Variants in PLEKHH2 observed in about 807,000 individuals in gnomAD.
PLEKHH2 encodes pleckstrin homology, MyTH4 and FERM domain containing H2, also known as pleckstrin homology domain-containing family H member 2.
In PLEKHH2, 129 loss-of-function variants were observed where a neutral mutation model predicts 187.9. The ratio of observed to expected loss-of-function variants is 0.69; its 90% CI spans 0.59 to 0.79. The LOEUF is 0.79. PLEKHH2 is among the 30% of genes least tolerant of loss of function. The pLI is 0.00. For missense variants in PLEKHH2, 2,076 were observed against 1,751.2 expected (o/e 1.19, Z -3.31); for synonymous variants, 686 against 605.6 (o/e 1.13, Z -1.95).
chr2:43,658,076 G>A (rs1374230519), intron 2 of PLEKHH2, among the ~76,000 whole-genome samples: 3 of 152,040 alleles, frequency 2.0e-5, no homozygotes, highest in African/African-American at 7.3e-5. Context: ...ATCTTCCTTT[G>A]TATTATTATC....
chr2:43,678,828 A>T (rs756354241), intron 2 of PLEKHH2, 35 bp from the exon 3 acceptor site: 1 of 1,503,434 alleles, frequency 6.7e-7, no homozygotes, highest in African/African-American at 1.4e-5. Context: ...TTTCAAAAAT[A>T]AATTTTTGTA....
intron 15 of PLEKHH2, among the ~76,000 whole-genome samples, chr2:43,719,504 A>C (rs1349362999): frequency 6.6e-6 from 1 of 152,066 alleles, no homozygotes; most frequent in East Asian, 1.9e-4. Flanking sequence ...CAGTGGTGTG[A>C]TCTCTGCTCA....
rs112641662 is a variant in PLEKHH2 at position 43,706,522 on chromosome 2, C to T, written c.1821+106C>T. 7.0e-4 allele frequency: 567 copies of T among 807,716 alleles called. 5 individuals are homozygous for T. The African/African-American group carries it at 8.8e-3, about 13-fold the overall frequency. The allele number at this position is 807,716 out of a possible 1,614,324, so 50.0% of individuals were successfully genotyped here. A position where few individuals can be genotyped will look rare whatever the true frequency, so the allele number is the denominator to read the frequency against. The stretch of plus-strand genomic sequence containing the variant: ...CCATTCTTAACATTTTACACAGGCT[C>T]TCCCTTTATAGAAAGTTTTACAAGT... On this transcript the variant is annotated intron_variant, in intron 10 of 29. Transcript: ENST00000282406.
intron 27 of PLEKHH2, among the ~76,000 whole-genome samples, chr2:43,762,074 T>C (rs1672450448): frequency 6.6e-6 from 1 of 152,206 alleles, no homozygotes; most frequent in Non-Finnish European, 1.5e-5. Context: ...TTTATCCAAA[T>C]GCATACATTA....
At chr2:43,724,957 AGAGT>A (rs1308028848) in intron 16 of PLEKHH2, among the ~76,000 whole-genome samples, 1 of 152,224 alleles carries the variant, frequency 6.6e-6, no homozygotes, top group Non-Finnish European at 1.5e-5. Context: ...ACACACAGAC[AGAGT>A]GAGTTTAGAG....
intron 19 of PLEKHH2, among the ~76,000 whole-genome samples, chr2:43,736,505 C>T (rs541054422): frequency 6.6e-6 from 1 of 152,226 alleles, no homozygotes; most frequent in African/African-American, 2.4e-5. Context: ...GTCACGGAGA[C>T]AGAGTTCAGA....
chr2:43,763,152 T>C (rs929218757), intron 28 of PLEKHH2, among the ~76,000 whole-genome samples: 1 of 152,148 alleles, frequency 6.6e-6, no homozygotes, highest in African/African-American at 2.4e-5. Context: ...AGTTTTTAAA[T>C]GGATAACTTG....
chr2:43,652,483 C>T (rs1352730771), intron 2 of PLEKHH2, among the ~76,000 whole-genome samples: 2 of 152,128 alleles, frequency 1.3e-5, no homozygotes, highest in African/African-American at 4.8e-5. Flanking sequence ...GCCCTTCACC[C>T]CCAACCTCCT....
chr2:43,687,509 C>G (rs914813554), intron 3 of PLEKHH2, among the ~76,000 whole-genome samples: 1 of 152,000 alleles, frequency 6.6e-6, no homozygotes, highest in South Asian at 2.1e-4. Flanking sequence ...GACTATATAC[C>G]CAGTAACTGG....
chr2:43,678,850 C>A lies in PLEKHH2; in HGVS notation c.124-13C>A. 1 of 1,566,068 alleles carries A rather than the reference C, an allele frequency of 6.4e-7. No individual in the cohort carries two copies. The highest frequency in any genetic ancestry group is 1.4e-5 in the African/African-American group (1 of 73,378). ...AATAAATTTTTGTATTTATATTTTC[C>A]CTCACTCTACAGATGCAACAGCTTG... is the stretch of plus-strand genomic sequence containing the variant. On this transcript the variant is annotated splice_polypyrimidine_tract_variant and intron_variant, in intron 2 of 29. Coordinates refer to ENST00000282406, the MANE Select transcript of PLEKHH2 (RefSeq NM_172069.4).
chr2:43,701,431 T>C (rs529695746), intron 8 of PLEKHH2, among the ~76,000 whole-genome samples: 17 of 152,316 alleles, frequency 1.1e-4, no homozygotes, highest in Admixed American at 2.0e-4. Context: ...GTTCAATTAC[T>C]GGAGGTTCCT....
In PLEKHH2 at chr2:43,700,540, T is replaced by C. The variant is rs754369190; in HGVS notation, c.1582T>C (p.Cys528Arg). ...TCCAAATTCAGATGACCAGGAACACTGTGACTCAGCAAAGAAGGTGGCATA... is the reference window on the plus strand; with the variant it reads ...TCCAAATTCAGATGACCAGGAACACCGTGACTCAGCAAAGAAGGTGGCATA... ...DSPNSDDQEH[C>R]DSAKKVAYSK... The change falls in exon 8 of 30, where the codon TGT becomes CGT. Residue 528 changes from cysteine to arginine, a missense_variant. Physicochemically the swap from Cys to Arg is radical, Grantham distance 180 (BLOSUM62 -3). Coordinates refer to ENST00000282406, the MANE Select transcript of PLEKHH2 (RefSeq NM_172069.4). 1.2e-6 allele frequency: 2 copies of C among 1,613,650 alleles called. No homozygotes were observed. Among genetic ancestry groups the C allele is most frequent in the Non-Finnish European group, 1.7e-6 (2 of 1,179,946 alleles).
In PLEKHH2 at chr2:43,680,707, G is replaced by A. The variant is rs76081554; in HGVS notation, c.186+1782G>A. ...AAAATTGAAGTCAAGTAAGCCTTCCGAAGGAAATTTATCACTTGTAAATCT... is the reference window on the plus strand; with the variant it reads ...AAAATTGAAGTCAAGTAAGCCTTCCAAAGGAAATTTATCACTTGTAAATCT... On this transcript the variant is annotated intron_variant, in intron 3 of 29. Transcript: ENST00000282406. 3.4e-3 allele frequency: 1,407 copies of A among 411,362 alleles called. 15 individuals carry two copies. The highest frequency in any genetic ancestry group is 0.028 in the African/African-American group (1,304 of 47,332). 25.5% of individuals were successfully genotyped at this position (411,362 alleles called of 1,614,324 possible). A position where few individuals can be genotyped will look rare whatever the true frequency, so the allele number is the denominator to read the frequency against.
intron 3 of PLEKHH2, among the ~76,000 whole-genome samples, chr2:43,686,285 C>T (rs750842337): frequency 9.2e-5 from 14 of 152,300 alleles, no homozygotes; most frequent in African/African-American, 3.1e-4. Flanking sequence ...CAGCCTCTGC[C>T]TCCCGGGTTC....
chr2:43,757,098 CT>C lies in PLEKHH2; in HGVS notation c.3796-17del. On this transcript the variant is annotated intron_variant, in intron 25 of 29. Transcript: ENST00000282406. The stretch of plus-strand genomic sequence containing the variant: ...TAAAACTCTTTTCAATATATTTTCA[CT>C]TTTGTGGATTTCCAATTAGGTAGAG... The C allele has an allele frequency of 6.5e-7, 1 of 1,535,876 alleles. No homozygotes were observed. Among genetic ancestry groups the C allele is most frequent in the Non-Finnish European group, 8.7e-7 (1 of 1,147,238 alleles).
At chr2:43,648,732 C>T (rs1574472806) in intron 2 of PLEKHH2, among the ~76,000 whole-genome samples, 2 of 151,992 alleles carry the variant, frequency 1.3e-5, no homozygotes, top group East Asian at 3.9e-4. Flanking sequence ...AGTCATGGGC[C>T]ACCACATCTG....
At position 43,700,173 on chromosome 2, in the gene PLEKHH2, C is replaced by T. The variant is rs975214767; in HGVS notation, c.1215C>T (p.Asn405=). The part of the protein sequence containing the change: ...LDYSSSSSEA[N]TPSPILTPAL... ...ATTCATCTTCATCGAGTGAAGCCAA[C>T]ACCCCAAGCCCTATTTTGACCCCAG... Residue 405 remains asparagine, a synonymous_variant, in exon 8 of 30, where the codon AAC becomes AAT. Transcript: ENST00000282406. 6.2e-7 allele frequency: 1 copy of T among 1,613,994 alleles called. No individual in the cohort carries two copies. Among genetic ancestry groups the T allele is most frequent in the Non-Finnish European group, 8.5e-7 (1 of 1,180,010 alleles).
intron 1 of PLEKHH2, among the ~76,000 whole-genome samples, chr2:43,637,871 C>T (rs1288064500): frequency 6.6e-6 from 1 of 152,222 alleles, no homozygotes; most frequent in Non-Finnish European, 1.5e-5. Context: ...GAGTTGCTGG[C>T]ACGTCAAAGC....
At chr2:43,692,928 A>G (rs1311838447) in intron 4 of PLEKHH2, among the ~76,000 whole-genome samples, 2 of 152,068 alleles carry the variant, frequency 1.3e-5, no homozygotes, top group Non-Finnish European at 2.9e-5. Flanking sequence ...TTATTTATTT[A>G]TCTGAGACAG....
Sources: gnomAD v4.1 joint callset for allele counts (sites outside exome capture counted in the v4.1 genomes callset) on GRCh38, gnomAD v4.1.1 for gene constraint, MANE v1.5 for transcripts, NCBI Gene and HGNC (gene_info 2026-07-23, HGNC 2026-07-21) for gene names.